The following TYW1B variants were observed in gnomAD, a reference collection of about 807,000 sequenced individuals.
TYW1B encodes S-adenosyl-L-methionine-dependent tRNA 4-demethylwyosine synthase TYW1B.
A neutral mutation model predicts 86.9 loss-of-function variants in TYW1B; 73 were observed. The observed-to-expected ratio is 0.84, with a 90% CI of 0.70 to 1.02. TYW1B has a LOEUF of 1.02. Ranked by LOEUF, TYW1B falls within the 50% of genes least tolerant of loss-of-function variation. TYW1B has a pLI of 0.00. For synonymous variants in TYW1B, 248 were observed against 292.8 expected (o/e 0.85, Z 1.56); for missense variants, 637 against 827.4 (o/e 0.77, Z 2.82).
chr7:72,744,856 C>A (rs1269362949), intron 7 of TYW1B, among the ~76,000 whole-genome samples: 1 of 152,182 alleles, frequency 6.6e-6, no homozygotes, highest in East Asian at 1.9e-4. Flanking sequence ...CTAATGCTTT[C>A]ATTTTCAAAT....
intron 11 of TYW1B, among the ~76,000 whole-genome samples, chr7:72,690,934 G>A (rs545772049): frequency 7.9e-5 from 12 of 152,162 alleles, no homozygotes; most frequent in African/African-American, 2.9e-4. Context: ...TGTATCTGTA[G>A]TAGAGACGGG....
In TYW1B at chr7:72,777,485, C is replaced by T. The variant is rs1554470776; in HGVS notation, c.895G>A (p.Gly299Arg). The T allele has an allele frequency of 1.9e-6, 3 of 1,613,970 alleles. No homozygotes were observed. Among genetic ancestry groups the T allele is most frequent in the African/African-American group, 2.7e-5 (2 of 74,916 alleles). ...EEKSGLFRNM[G>R]RNEDGERRAM... is the part of the protein sequence containing the mutation. ...CTTCTTTCACCATCTTCATTCCTCC[C>T]CATGTTCCTGAACAAACCAGACTTC... The change falls in exon 7 of 14, where the codon GGG (glycine) becomes AGG (arginine). Residue 299 changes from glycine to arginine, a missense_variant. Gly to Arg is a moderately radical substitution (Grantham distance 125, BLOSUM62 -2). Transcript: ENST00000620995.
intron 11 of TYW1B, among the ~76,000 whole-genome samples, chr7:72,657,157 A>C (rs1375311008): frequency 6.6e-6 from 1 of 152,214 alleles, no homozygotes; most frequent in Non-Finnish European, 1.5e-5. Flanking sequence ...GATATCCTAA[A>C]ATAGAACCAA....
intron 7 of TYW1B, among the ~76,000 whole-genome samples, chr7:72,750,037 G>A (rs1010501506): frequency 6.7e-6 from 1 of 148,278 alleles, no homozygotes; most frequent in African/African-American, 2.5e-5. Context: ...TACAAGACAC[G>A]TGTCTGAACA....
intron 10 of TYW1B, among the ~76,000 whole-genome samples, chr7:72,710,914 T>A (rs1395718199): frequency 6.6e-6 from 1 of 152,204 alleles, no homozygotes; most frequent in Non-Finnish European, 1.5e-5. Context: ...TACTTTCACC[T>A]TTTTTCACAT....
chr7:72,712,084 G>C (rs1328970732), intron 10 of TYW1B, among the ~76,000 whole-genome samples: 1 of 152,020 alleles, frequency 6.6e-6, no homozygotes, highest in Non-Finnish European at 1.5e-5. Flanking sequence ...CATTTCCCCA[G>C]AGGCCCCAGG....
At chr7:72,598,851 G>GGGATAAACAGGTGGAGGAAGAC (rs1811594112) in intron 13 of TYW1B, among the ~76,000 whole-genome samples, 3 of 152,110 alleles carry the variant, frequency 2.0e-5, no homozygotes, top group African/African-American at 7.2e-5. Context: ...GAAGGAGGAA[G>GGGATAAACAGGTGGAGGAAGAC]GGATAAACAG....
intron 9 of TYW1B, among the ~76,000 whole-genome samples, chr7:72,720,327 G>C (rs1192186911): frequency 6.6e-6 from 1 of 152,148 alleles, no homozygotes; most frequent in Admixed American, 6.5e-5. Flanking sequence ...GAGAGGAAGA[G>C]GGATCAACAA....
intron 6 of TYW1B, among the ~76,000 whole-genome samples, chr7:72,798,010 TACACACAC>T (rs781878514): frequency 3.2e-5 from 2 of 62,758 alleles, no homozygotes; most frequent in African/African-American, 4.1e-5. Flanking sequence ...TTTATATATA[TACACACAC>T]ACACACACAC....
chr7:72,594,587 A>C (rs1484291947), intron 13 of TYW1B, among the ~76,000 whole-genome samples: 1 of 152,194 alleles, frequency 6.6e-6, no homozygotes, highest in East Asian at 1.9e-4. Context: ...TTAAAAGAGA[A>C]CTAACACCAA....
chr7:72,634,633 C>T (rs1812623992), intron 11 of TYW1B, among the ~76,000 whole-genome samples: 1 of 151,724 alleles, frequency 6.6e-6, no homozygotes, highest in Non-Finnish European at 1.5e-5. Flanking sequence ...ACACTTTCAC[C>T]CACGTTGTAT....
intron 10 of TYW1B, among the ~76,000 whole-genome samples, chr7:72,712,375 C>G (rs1554454937): frequency 6.6e-6 from 1 of 152,200 alleles, no homozygotes; most frequent in Non-Finnish European, 1.5e-5. Context: ...GTTGCCCAGG[C>G]TGGAGTGCAA....
intron 13 of TYW1B, among the ~76,000 whole-genome samples, chr7:72,602,259 G>A (rs73702986): frequency 0.025 from 3,867 of 152,108 alleles, 154 homozygotes; most frequent in African/African-American, 0.087. Context: ...CAACTCCAGC[G>A]CCGCTATATA....
At chr7:72,798,321 G>A (rs1431531278) in intron 6 of TYW1B, among the ~76,000 whole-genome samples, 8 of 152,000 alleles carry the variant, frequency 5.3e-5, no homozygotes, top group African/African-American at 1.4e-4. Context: ...AACCCAGGAG[G>A]CAGAGCTTGC....
chr7:72,660,963 A>G (rs1322656194), intron 11 of TYW1B, among the ~76,000 whole-genome samples: 2 of 150,842 alleles, frequency 1.3e-5, no homozygotes, highest in Non-Finnish European at 3.0e-5. Context: ...ATGAAACCTC[A>G]TCTCTACTAA....
At chr7:72,758,682 A>G (rs1787637061) in intron 7 of TYW1B, among the ~76,000 whole-genome samples, 1 of 151,984 alleles carries the variant, frequency 6.6e-6, no homozygotes, top group Non-Finnish European at 1.5e-5. Flanking sequence ...TTTTTACTTT[A>G]TTTGGAATGT....
chr7:72,736,943 G>A (rs1462696411), intron 8 of TYW1B, among the ~76,000 whole-genome samples: 13 of 152,046 alleles, frequency 8.6e-5, no homozygotes, highest in African/African-American at 1.9e-4. Flanking sequence ...CACAAGAATC[G>A]CTTGAACCCA....
intron 11 of TYW1B, among the ~76,000 whole-genome samples, chr7:72,694,401 T>C (rs1416809676): frequency 2.0e-5 from 3 of 152,210 alleles, no homozygotes; most frequent in African/African-American, 7.2e-5. Flanking sequence ...TAATTAACTT[T>C]GGGAGTATAT....
At chr7:72,637,205 T>C (rs1312591777) in intron 11 of TYW1B, among the ~76,000 whole-genome samples, 7 of 152,030 alleles carry the variant, frequency 4.6e-5, no homozygotes, top group Non-Finnish European at 8.8e-5. Context: ...AGGGTTGGTG[T>C]TAGTTCTCCT....
Sources: gnomAD v4.1 joint callset for allele counts (sites outside exome capture counted in the v4.1 genomes callset) on GRCh38, gnomAD v4.1.1 for gene constraint, MANE v1.5 for transcripts, NCBI Gene and HGNC (gene_info 2026-07-23, HGNC 2026-07-21) for gene names.